The following STXBP6 variants were observed in gnomAD, a reference collection of about 807,000 sequenced individuals.
STXBP6 encodes syntaxin-binding protein 6.
Under a neutral mutation model 26.9 loss-of-function variants are expected in STXBP6, and 21 were observed. That is an observed-to-expected ratio of 0.78 (90% confidence interval 0.55 to 1.12). The LOEUF (loss-of-function observed/expected upper bound fraction) is 1.12. Ranked by LOEUF, STXBP6 falls within the 50% of genes most tolerant of loss-of-function variation. The pLI is 0.00. For synonymous variants in STXBP6, 97 were observed against 92.6 expected, an observed-to-expected ratio of 1.05 and a Z score of -0.27; for missense variants, 232 against 257.9, an observed-to-expected ratio of 0.90 and a Z score of 0.69.
At chr14:24,920,498 C>T (rs1368111085) in intron 2 of STXBP6, among the ~76,000 whole-genome samples, 1 of 152,042 alleles carries the variant, frequency 6.6e-6, no homozygotes, top group Admixed American at 6.6e-5. Flanking sequence ...TAGTTTAGCC[C>T]TCCTTTAGTT....
In STXBP6 at chr14:25,000,219, C is replaced by T. The variant is rs181485553; in HGVS notation, c.-32-25369G>A. Among the ~76,000 whole-genome samples the T allele has an allele frequency of 2.3e-3, 345 of 152,154 alleles. 1 individual carries two copies. Among genetic ancestry groups the T allele is most frequent in the African/African-American group, 5.3e-3 (222 of 41,526 alleles). ...CTGGGACTACAGGCGCCTGCCACCACGCCTGGCTAATTTTTTTGTATTTTT... is the reference window on the plus strand; with the variant it reads ...CTGGGACTACAGGCGCCTGCCACCATGCCTGGCTAATTTTTTTGTATTTTT... On this transcript the variant is annotated intron_variant, in intron 1 of 5. Coordinates refer to ENST00000323944, the MANE Select transcript of STXBP6 (RefSeq NM_001394410.1).
chr14:24,939,654 G>A (rs544050672), intron 2 of STXBP6, among the ~76,000 whole-genome samples: 5 of 152,058 alleles, frequency 3.3e-5, no homozygotes, highest in African/African-American at 4.8e-5. Context: ...CTAGACCATC[G>A]CTGTCCAATA....
Position 24,819,101 on chromosome 14 carries a change from C to G in STXBP6, c.545G>C (p.Arg182Pro). The G allele has an allele frequency of 6.2e-7, 1 of 1,613,978 alleles. No individual in the cohort carries two copies. The highest frequency in any genetic ancestry group is 1.1e-5 in the South Asian group (1 of 91,056). ...ALNERGERLG[R>P]AEEKTEDLKN... The stretch of plus-strand genomic sequence containing the variant: ...CAGGTCTTCTGTCTTCTCCTCTGCT[C>G]GGCCTAATCGCTCTCCACGCTCATT... Residue 182 changes from arginine to proline, a missense_variant, in exon 5 of 6, where the codon CGA becomes CCA. Transcript: ENST00000323944.
intron 1 of STXBP6, among the ~76,000 whole-genome samples, chr14:25,008,263 G>C (rs1325120016): frequency 6.6e-6 from 1 of 152,128 alleles, no homozygotes; most frequent in South Asian, 2.1e-4. Flanking sequence ...CAGCACTGTG[G>C]GAGATGAAGG....
chr14:24,878,190 T>C (rs2070218050), intron 2 of STXBP6, among the ~76,000 whole-genome samples: 1 of 152,170 alleles, frequency 6.6e-6, no homozygotes, highest in Non-Finnish European at 1.5e-5. Flanking sequence ...ATTTGCACCA[T>C]GACATTTTGG....
intron 2 of STXBP6, among the ~76,000 whole-genome samples, chr14:24,893,314 C>G (rs1226799450): frequency 6.6e-6 from 1 of 152,182 alleles, no homozygotes; most frequent in African/African-American, 2.4e-5. Context: ...CTTATTTAAT[C>G]TTGGCCACAA....
intron 2 of STXBP6, among the ~76,000 whole-genome samples, chr14:24,949,187 T>C (rs1595170540): frequency 6.6e-6 from 1 of 152,344 alleles, no homozygotes; most frequent in East Asian, 1.9e-4. Context: ...GGATACTTCA[T>C]TACACAATGC....
chr14:24,930,415 C>T (rs546260991), intron 2 of STXBP6, among the ~76,000 whole-genome samples: 1 of 152,222 alleles, frequency 6.6e-6, no homozygotes, highest in Non-Finnish European at 1.5e-5. Flanking sequence ...TTATGAACAA[C>T]ATTTTTACCT....
At chr14:24,922,376 A>G (rs562048478) in intron 2 of STXBP6, among the ~76,000 whole-genome samples, 2 of 152,226 alleles carry the variant, frequency 1.3e-5, no homozygotes, top group South Asian at 4.1e-4. Context: ...TTCCTGATCA[A>G]ATGTGTTCTT....
At chr14:24,830,763 AG>A (rs1217092289) in intron 4 of STXBP6, among the ~76,000 whole-genome samples, 4 of 152,274 alleles carry the variant, frequency 2.6e-5, no homozygotes, top group Middle Eastern at 3.4e-3. Flanking sequence ...GATCATCTGT[AG>A]GGAGCAACAC....
chr14:25,047,085 T>A (rs2075738931), intron 1 of STXBP6, among the ~76,000 whole-genome samples: 1 of 152,226 alleles, frequency 6.6e-6, no homozygotes, highest in South Asian at 2.1e-4. Context: ...ACTTGTTCCC[T>A]AGGTGATCTA....
intron 2 of STXBP6, among the ~76,000 whole-genome samples, chr14:24,886,991 A>C (rs2070613637): frequency 6.6e-6 from 1 of 152,188 alleles, no homozygotes. Context: ...CTAAACAATA[A>C]ACATGCAACT....
intron 2 of STXBP6, among the ~76,000 whole-genome samples, chr14:24,934,885 A>G (rs1232411467): frequency 6.6e-6 from 1 of 152,148 alleles, no homozygotes; most frequent in Non-Finnish European, 1.5e-5. Flanking sequence ...CAAAAGACAC[A>G]TTTTAAGAAC....
chr14:24,976,189 A>C (rs1024545529), intron 1 of STXBP6, among the ~76,000 whole-genome samples: 1 of 152,206 alleles, frequency 6.6e-6, no homozygotes, highest in Middle Eastern at 3.2e-3. Flanking sequence ...GTTTCACTTA[A>C]ATCCAGATAG....
chr14:24,861,554 G>A (rs918677802), intron 2 of STXBP6, among the ~76,000 whole-genome samples: 2 of 152,254 alleles, frequency 1.3e-5, no homozygotes, highest in Non-Finnish European at 2.9e-5. Context: ...GGTGGATTTC[G>A]CAATATCCAT....
chr14:24,885,660 T>C (rs1437623635), intron 2 of STXBP6, among the ~76,000 whole-genome samples: 1 of 152,256 alleles, frequency 6.6e-6, no homozygotes. Flanking sequence ...ATTGTCTCAG[T>C]TATCAGCTCA....
At chr14:24,818,788 G>T (rs2068054540) in intron 5 of STXBP6, among the ~76,000 whole-genome samples, 1 of 152,144 alleles carries the variant, frequency 6.6e-6, no homozygotes, top group African/African-American at 2.4e-5. Context: ...ATGGTCCATA[G>T]TTCCTAAAGA....
chr14:24,849,147 T>C (rs1477805332), intron 4 of STXBP6, among the ~76,000 whole-genome samples: 1 of 152,090 alleles, frequency 6.6e-6, no homozygotes, highest in Non-Finnish European at 1.5e-5. Flanking sequence ...GTACTGTTGT[T>C]TGTATTGATG....
At chr14:24,940,928 T>C (rs12587035) in intron 2 of STXBP6, among the ~76,000 whole-genome samples, 9 of 152,066 alleles carry the variant, frequency 5.9e-5, no homozygotes, top group East Asian at 1.9e-4. Flanking sequence ...AGGCTGAGAA[T>C]TGCTTGAACC....
Sources: gnomAD v4.1 joint callset for allele counts (sites outside exome capture counted in the v4.1 genomes callset) on GRCh38, gnomAD v4.1.1 for gene constraint, MANE v1.5 for transcripts, NCBI Gene and HGNC (gene_info 2026-07-23, HGNC 2026-07-21) for gene names.